Variants in ZNF320 observed in about 807,000 individuals in gnomAD.
ZNF320 encodes zinc finger gene 320.
A neutral mutation model predicts 6.8 loss-of-function variants in ZNF320; 2 were observed. That is an observed-to-expected ratio of 0.29 (90% CI 0.12 to 0.93). The LOEUF (loss-of-function observed/expected upper bound fraction) is 0.93. Ranked by LOEUF, ZNF320 falls within the 40% of genes least tolerant of loss-of-function variation. ZNF320 has a pLI of 0.55. For synonymous variants in ZNF320, 208 were observed against 203.2 expected (o/e 1.02, Z -0.20); for missense variants, 472 against 611.0 (o/e 0.77, Z 2.40).
exon 6 of ZNF320, among the ~76,000 whole-genome samples, chr19:52,861,562 A>G (rs1385367626): frequency 1.3e-5 from 2 of 152,142 alleles, no homozygotes; most frequent in African/African-American, 4.8e-5. Flanking sequence ...ACCTCAAGGG[A>G]TCTAACTGCC....
chr19:52,892,913 T>C (rs150317445), intron 2 of ZNF320, among the ~76,000 whole-genome samples: 4,494 of 138,244 alleles, frequency 0.033, 95 homozygotes, highest in African/African-American at 0.068. Flanking sequence ...CTCTTTGCTG[T>C]CCCTCTCCCT....
intron 5 of ZNF320, among the ~76,000 whole-genome samples, chr19:52,868,663 G>A (rs1013565889): frequency 6.6e-6 from 1 of 152,108 alleles, no homozygotes; most frequent in African/African-American, 2.4e-5. Flanking sequence ...CCCACGACAT[G>A]TTTCTAAGCA....
chr19:52,880,493 G>A lies in ZNF320; in HGVS notation c.*103C>T, dbSNP rs753773367. ...TGGGATTACAGGTGTGAGACACCAC[G>A]CCTGGCCCAATCCTCTTAACATAAA... On this transcript the variant is annotated 3_prime_UTR_variant, in exon 6 of 6. Coordinates refer to ENST00000682928, the MANE Select transcript of ZNF320 (RefSeq NM_001351774.2). 9.8e-4 allele frequency: 1,181 copies of A among 1,201,912 alleles called. 4 individuals are homozygous for A. Among genetic ancestry groups the A allele is most frequent in the Middle Eastern group, 1.9e-3 (9 of 4,684 alleles). 74.5% of individuals were successfully genotyped at this position (1,201,912 alleles called of 1,614,324 possible).
chr19:52,896,850 C>A (rs2064488995), intron 1 of ZNF320, among the ~76,000 whole-genome samples: 1 of 152,198 alleles, frequency 6.6e-6, no homozygotes, highest in Admixed American at 6.5e-5. Flanking sequence ...GATCAAAGGC[C>A]GCTGTCCCTA....
chr19:52,874,931 G>A (rs150395794), downstream of ZNF320, among the ~76,000 whole-genome samples: 15 of 152,296 alleles, frequency 9.8e-5, no homozygotes, highest in Non-Finnish European at 2.1e-4. Flanking sequence ...AGAAGCCTGC[G>A]TGGCTGGAGC....
In ZNF320 at chr19:52,880,696, A is replaced by G; in HGVS notation, c.1430T>C (p.Val477Ala). 1 of 1,613,922 alleles carries G rather than the reference A, an allele frequency of 6.2e-7. No homozygotes were observed. ...KSYKCHQCGK[V>A]FSLRSLLAEH... Reference sequence around the variant, plus strand: ...TGCAAGGAGTGACCTCAGACTAAAGACCTTGCCACACTGATGACATTTGTA... The same window carrying G: ...TGCAAGGAGTGACCTCAGACTAAAGGCCTTGCCACACTGATGACATTTGTA... The change falls in exon 6 of 6, where the codon GTC becomes GCC. Residue 477 changes from valine (V) to alanine (A), a missense_variant. Coordinates refer to ENST00000682928, the MANE Select transcript of ZNF320 (RefSeq NM_001351774.2).
intron 3 of ZNF320, among the ~76,000 whole-genome samples, chr19:52,890,763 C>T (rs762114694): frequency 9.9e-5 from 15 of 152,042 alleles, no homozygotes; most frequent in Non-Finnish European, 1.9e-4. Context: ...GTCTGTGGTC[C>T]CAGCTACTTA....
chr19:52,890,303 G>GA lies in ZNF320; in HGVS notation c.-49_-48insT. Reference sequence around the variant, plus strand: ...TTCCTCTTCTGGGTTTCTTCCTCAGGTACCAAGAGTCTTTAGAAGTCAATC... The same window carrying GA: ...TTCCTCTTCTGGGTTTCTTCCTCAGGATACCAAGAGTCTTTAGAAGTCAATC... On this transcript the variant is annotated 5_prime_UTR_variant, in exon 4 of 6. Coordinates refer to ENST00000682928, the MANE Select transcript of ZNF320 (RefSeq NM_001351774.2). 6.3e-7 allele frequency: 1 copy of GA among 1,594,726 alleles called. No homozygotes were observed. Among genetic ancestry groups the GA allele is most frequent in the South Asian group, 1.1e-5 (1 of 90,784 alleles).
At chr19:52,871,249 T>C (rs1439332374), downstream of ZNF320, among the ~76,000 whole-genome samples, 1 of 152,132 alleles carries the variant, frequency 6.6e-6, no homozygotes, top group East Asian at 1.9e-4. Context: ...GCCCAGGAGT[T>C]TCAGGCTGCT....
Position 52,865,470 on chromosome 19 carries a change from T to TG in ZNF320, c.224-1312_224-1311insC, listed in dbSNP as rs1414636050. 6.6e-3 allele frequency: 265 copies of TG among 40,340 alleles called. 16 individuals carry two copies. Among genetic ancestry groups the TG allele is most frequent in the Middle Eastern group, 0.033 (3 of 92 alleles). The allele number at this position is 40,340 out of a possible 1,614,324, so 2.5% of individuals were successfully genotyped here. A position where few individuals can be genotyped will look rare whatever the true frequency, so the allele number is the denominator to read the frequency against. On this transcript the variant is annotated intron_variant, in intron 5 of 5. Coordinates refer to the ZNF320 transcript ENST00000673631. Reference sequence around the variant, plus strand: ...TATATATGTAATACATATATATATATTACATATATATATAATACATATATA... The same window carrying TG: ...TATATATGTAATACATATATATATATGTACATATATATATAATACATATATA...
At chr19:52,900,544 T>C (rs2064567983), upstream of ZNF320, among the ~76,000 whole-genome samples, 1 of 152,186 alleles carries the variant, frequency 6.6e-6, no homozygotes, top group Non-Finnish European at 1.5e-5. Flanking sequence ...GTTAGGCTAA[T>C]TGCAAAAACA....
At chr19:52,865,322 CAA>C in intron 5 of ZNF320, 1 of 291,102 alleles carries the variant, frequency 3.4e-6, no homozygotes, top group Non-Finnish European at 6.6e-6. Context: ...TACCCCATTT[CAA>C]ATATATATAT....
rs1051452264 is a variant in ZNF320, at chr19:52,878,721, G to C, written c.*1875C>G. The C allele has an allele frequency of 6.6e-6, 1 of 152,242 alleles. No homozygotes were observed. Among genetic ancestry groups the C allele is most frequent in the East Asian group, 1.9e-4 (1 of 5,176 alleles). The allele number at this position is 152,242 out of a possible 1,614,324, so 9.4% of individuals were successfully genotyped here. On this transcript the variant is annotated 3_prime_UTR_variant, in exon 6 of 6. Transcript: ENST00000682928. ...ATTTTTCGATACACTATCTGTCTCT[G>C]TCACCCATGCTGGAGTACAATGGCA...
rs151249540 is a variant in ZNF320 at position 52,864,873 on chromosome 19, C to T, written c.224-714G>A. Among the ~76,000 whole-genome samples the T allele has an allele frequency of 5.9e-3, 895 of 151,774 alleles. 10 individuals carry two copies. The highest frequency in any genetic ancestry group is 0.018 in the African/African-American group (737 of 41,356). ...CTAAAAGTACAAAAAATTAGCCAGG[C>T]GTGGTGGCAGGCACCTGTAGTCCCA... On this transcript the variant is annotated intron_variant, in intron 5 of 5. Transcript: ENST00000673631.
upstream of ZNF320, among the ~76,000 whole-genome samples, chr19:52,899,001 C>G (rs1162677739): frequency 6.6e-6 from 1 of 152,182 alleles, no homozygotes; most frequent in African/African-American, 2.4e-5. Flanking sequence ...TCCTTTATTT[C>G]TTCTTTTTGA....
intron 5 of ZNF320, among the ~76,000 whole-genome samples, chr19:52,866,808 T>G (rs933593748): frequency 6.8e-6 from 1 of 147,302 alleles, no homozygotes; most frequent in Non-Finnish European, 1.5e-5. Context: ...AAGCAGAGGT[T>G]GCAATGTGCT....
chr19:52,876,111 A>C (rs562536294), downstream of ZNF320: 399 of 152,304 alleles, frequency 2.6e-3, 1 homozygote, highest in African/African-American at 9.1e-3. Flanking sequence ...TTGAGGGGAA[A>C]GCTTATTTAG....
At chr19:52,899,500 T>C (rs573979123), upstream of ZNF320, among the ~76,000 whole-genome samples, 38 of 152,306 alleles carry the variant, frequency 2.5e-4, no homozygotes, top group African/African-American at 8.7e-4. Context: ...TCTCGCTCTG[T>C]CACCCAGGCT....
chr19:52,880,905 A>G lies in ZNF320; in HGVS notation c.1221T>C (p.His407=), dbSNP rs962704617. The G allele has an allele frequency of 1.9e-6, 3 of 1,613,258 alleles. No individual in the cohort carries two copies. The highest frequency in any genetic ancestry group is 2.5e-6 in the Non-Finnish European group (3 of 1,179,456). Residue 407 remains histidine, a synonymous_variant, in exon 6 of 6, where the codon CAT becomes CAC. Transcript: ENST00000682928. ...CACATTCGTAAAGTTTCTCTCCAGT[A>G]TGAAGTTTTTGATGACATGCGAGGT... ...KAYLACHQKL[H]TGEKLYECEE... is the part of the protein sequence containing the mutation.
Sources: gnomAD v4.1 joint callset for allele counts (sites outside exome capture counted in the v4.1 genomes callset) on GRCh38, gnomAD v4.1.1 for gene constraint, MANE v1.5 for transcripts, NCBI Gene and HGNC (gene_info 2026-07-23, HGNC 2026-07-21) for gene names.